CDH13: variants seen among roughly 807,000 people sequenced by gnomAD.
CDH13 encodes cadherin-13.
In CDH13, 24 loss-of-function variants were observed where a neutral mutation model predicts 63.8. The observed-to-expected ratio is 0.38, with a 90% CI of 0.27 to 0.53. The LOEUF (loss-of-function observed/expected upper bound fraction) is 0.53, where lower values mean the gene tolerates loss of function less well. Ranked by LOEUF, CDH13 falls within the 20% of genes least tolerant of loss-of-function variation. The pLI is 0.85. For missense variants in CDH13, 1,049 were observed against 903.1 expected (o/e 1.16, Z -2.07); for synonymous variants, 503 against 355.3 (o/e 1.42, Z -4.67).
intron 5 of CDH13, among the ~76,000 whole-genome samples, chr16:83,317,553 T>C (rs1358363984): frequency 1.3e-5 from 2 of 152,058 alleles, no homozygotes; most frequent in African/African-American, 4.8e-5. Flanking sequence ...AAGAATCCAG[T>C]ACTTTGGGAG....
chr16:83,080,516 T>C (rs1448021327), intron 3 of CDH13, among the ~76,000 whole-genome samples: 1 of 152,192 alleles, frequency 6.6e-6, no homozygotes, highest in Non-Finnish European at 1.5e-5. Context: ...TGTGACTATC[T>C]AATGCAATCC....
At chr16:82,650,815 C>T (rs13330513) in intron 1 of CDH13, among the ~76,000 whole-genome samples, 28,229 of 152,076 alleles carry the variant, frequency 0.19, 2,685 homozygotes, top group Middle Eastern at 0.24. Context: ...GAAATCAATC[C>T]GGTGAACCTG....
At position 82,785,981 on chromosome 16, in the gene CDH13, G is replaced by A. The variant is rs972059476; in HGVS notation, c.46-72381G>A. 5.3e-5 allele frequency among the ~76,000 whole-genome samples: 8 copies of A among 152,296 alleles called. No homozygotes were observed. In the South Asian group the frequency reaches 1.7e-3, roughly 32 times the overall value. ...GTGGTTCCCCTGTTGGCTAGGGTTA[G>A]ACCACACAGGCTAAACTAATTCCGA... On this transcript the variant is annotated intron_variant, in intron 1 of 13. Coordinates refer to ENST00000567109, the MANE Select transcript of CDH13 (RefSeq NM_001257.5).
At chr16:82,984,884 C>A (rs1292274583) in intron 2 of CDH13, among the ~76,000 whole-genome samples, 2 of 152,162 alleles carry the variant, frequency 1.3e-5, no homozygotes, top group Non-Finnish European at 2.9e-5. Flanking sequence ...GTTATAATCA[C>A]TGCTTTTACC....
At chr16:83,569,736 T>TTTTTG (rs1201699046) in intron 7 of CDH13, among the ~76,000 whole-genome samples, 1 of 151,968 alleles carries the variant, frequency 6.6e-6, no homozygotes, top group Non-Finnish European at 1.5e-5. Context: ...GGTTTTTTTG[T>TTTTTG]TTTTGTTTTG....
intron 6 of CDH13, among the ~76,000 whole-genome samples, chr16:83,477,932 A>G (rs538459128): frequency 1.6e-4 from 24 of 152,292 alleles, no homozygotes; most frequent in African/African-American, 5.5e-4. Flanking sequence ...CTGTAATCCC[A>G]GCACTTTGGG....
intron 6 of CDH13, among the ~76,000 whole-genome samples, chr16:83,423,132 C>T (rs1366158655): frequency 2.6e-5 from 4 of 152,094 alleles, no homozygotes; most frequent in Non-Finnish European, 5.9e-5. Flanking sequence ...GCTATATTGA[C>T]CCTGTATGTA....
At chr16:83,133,021 G>T (rs1029715175) in intron 4 of CDH13, among the ~76,000 whole-genome samples, 1 of 152,134 alleles carries the variant, frequency 6.6e-6, no homozygotes, top group East Asian at 1.9e-4. Context: ...CTGTCCCATG[G>T]AACATTGACA....
chr16:83,677,108 C>T (rs982886079), intron 9 of CDH13, among the ~76,000 whole-genome samples: 2 of 152,178 alleles, frequency 1.3e-5, no homozygotes, highest in African/African-American at 4.8e-5. Flanking sequence ...GCAGTATGCC[C>T]TCATCTTACC....
intron 2 of CDH13, among the ~76,000 whole-genome samples, chr16:82,959,719 T>C (rs982212048): frequency 6.6e-6 from 1 of 152,238 alleles, no homozygotes; most frequent in Non-Finnish European, 1.5e-5. Context: ...CTGTTTGCCA[T>C]ATAAGTTTAT....
chr16:83,231,239 T>G (rs965451380), intron 5 of CDH13, among the ~76,000 whole-genome samples: 3 of 152,200 alleles, frequency 2.0e-5, no homozygotes, highest in Non-Finnish European at 4.4e-5. Flanking sequence ...CTGTGTAGGT[T>G]GGATCATGGC....
chr16:83,395,194 A>G (rs1467104715), intron 6 of CDH13, among the ~76,000 whole-genome samples: 1 of 151,270 alleles, frequency 6.6e-6, no homozygotes, highest in Non-Finnish European at 1.5e-5. Context: ...TGTGCCTGTA[A>G]TCCCAGCTAC....
intron 3 of CDH13, among the ~76,000 whole-genome samples, chr16:83,089,142 C>G (rs541858086): frequency 6.6e-6 from 1 of 152,140 alleles, no homozygotes; most frequent in Non-Finnish European, 1.5e-5. Flanking sequence ...TTAAATATTA[C>G]AGCAGACTTT....
intron 1 of CDH13, among the ~76,000 whole-genome samples, chr16:82,645,170 G>A (rs185746543): frequency 2.0e-4 from 31 of 152,154 alleles, no homozygotes; most frequent in Admixed American, 3.9e-4. Context: ...GGGCTTCGAC[G>A]GGGCCCTTCA....
intron 3 of CDH13, among the ~76,000 whole-genome samples, chr16:83,114,811 C>G (rs904449217): frequency 2.6e-5 from 4 of 152,198 alleles, no homozygotes; most frequent in African/African-American, 7.2e-5. Context: ...GCCCCAGGTA[C>G]TTCAAAGCTG....
At chr16:82,980,693 C>G (rs1333845839) in intron 2 of CDH13, among the ~76,000 whole-genome samples, 1 of 152,162 alleles carries the variant, frequency 6.6e-6, no homozygotes, top group East Asian at 1.9e-4. Context: ...TTCAAGCAAA[C>G]TACCATATAC....
intron 1 of CDH13, among the ~76,000 whole-genome samples, chr16:82,708,507 C>T (rs1445831815): frequency 1.3e-5 from 2 of 152,236 alleles, no homozygotes; most frequent in African/African-American, 4.8e-5. Context: ...CTGTCTCTGT[C>T]TCTCCACCAG....
At chr16:83,247,137 C>T (rs1905065452) in intron 5 of CDH13, among the ~76,000 whole-genome samples, 1 of 152,012 alleles carries the variant, frequency 6.6e-6, no homozygotes, top group Non-Finnish European at 1.5e-5. Flanking sequence ...GGTACCTGTG[C>T]CATCCTGGGG....
chr16:83,488,926 A>T (rs535332393), intron 7 of CDH13, among the ~76,000 whole-genome samples: 1 of 152,114 alleles, frequency 6.6e-6, no homozygotes, highest in Non-Finnish European at 1.5e-5. Flanking sequence ...CGCCCGGCCA[A>T]TGCTCCCTAT....
Sources: allele counts gnomAD v4.1 joint callset (sites outside exome capture counted in the v4.1 genomes callset), GRCh38; gene constraint gnomAD v4.1.1; transcripts MANE v1.5; gene names NCBI Gene and HGNC (gene_info 2026-07-23, HGNC 2026-07-21).